Variants in GRM5 observed in about 807,000 individuals in gnomAD.
GRM5 encodes the protein glutamate metabotropic receptor 5.
A neutral mutation model predicts 83.1 loss-of-function variants in GRM5; 19 were observed. That is an observed-to-expected ratio of 0.23 (90% confidence interval 0.16 to 0.34). The LOEUF (loss-of-function observed/expected upper bound fraction) is 0.34. Among genes scored for constraint, GRM5 ranks in the 10% least tolerant of loss-of-function variants. The pLI, the probability that GRM5 is intolerant of heterozygous loss-of-function variation, is 1.00. For missense variants in GRM5, 1,160 were observed against 1,588.3 expected, an observed-to-expected ratio of 0.73 and a Z score of 4.58; for synonymous variants, 675 against 633.6, an observed-to-expected ratio of 1.07 and a Z score of -0.98.
chr11:88,655,672 T>C (rs1288680149), intron 3 of GRM5, among the ~76,000 whole-genome samples: 3 of 95,648 alleles, frequency 3.1e-5, no homozygotes, highest in African/African-American at 1.1e-4. Context: ...ACTTTCTCTG[T>C]TTTTTTTTTT....
intron 2 of GRM5, among the ~76,000 whole-genome samples, chr11:88,941,475 GGGAGGGGAGA>G (rs770257751): frequency 0.33 from 29,676 of 90,162 alleles, 6,152 homozygotes; most frequent in East Asian, 0.42. Flanking sequence ...AAGAGAAGAG[GGGAGGGGAGA>G]GGAGGGGAGA....
Position 88,530,278 on chromosome 11 carries a change from G to A in GRM5, c.2631-4874C>T, listed in dbSNP as rs559262359. On this transcript the variant is annotated intron_variant, in intron 8 of 9. Transcript: ENST00000305447. ...TAAGGCTCTTCAATCTTGTAAACCT[G>A]TAAGTTTTCTTATAAACTATGGATT... Among the ~76,000 whole-genome samples, 6 of 152,080 alleles carry A rather than the reference G, an allele frequency of 3.9e-5. No individual in the cohort carries two copies. The East Asian group carries it at 1.2e-3, about 29-fold the overall frequency.
intron 2 of GRM5, among the ~76,000 whole-genome samples, chr11:88,987,653 C>T (rs1223469635): frequency 6.6e-6 from 1 of 152,030 alleles, no homozygotes; most frequent in Non-Finnish European, 1.5e-5. Context: ...CAGCACGCAG[C>T]TGGAGATCTG....
intron 2 of GRM5, among the ~76,000 whole-genome samples, chr11:89,040,575 C>T (rs1387057716): frequency 6.6e-6 from 1 of 152,116 alleles, no homozygotes; most frequent in Middle Eastern, 3.2e-3. Flanking sequence ...GTCACATGTG[C>T]TTGTAGTCCC....
At chr11:89,054,140 A>G (rs2135161532) in intron 1 of GRM5, among the ~76,000 whole-genome samples, 1 of 152,328 alleles carries the variant, frequency 6.6e-6, no homozygotes, top group South Asian at 2.1e-4. Context: ...AGAGAAAATT[A>G]GGAAACTTGC....
At chr11:88,701,932 A>G (rs908782091) in intron 3 of GRM5, among the ~76,000 whole-genome samples, 4 of 152,110 alleles carry the variant, frequency 2.6e-5, no homozygotes, top group African/African-American at 9.7e-5. Context: ...ATATCTTATT[A>G]TCAAAAAGAG....
chr11:88,622,103 A>G (rs1938654690), intron 4 of GRM5, among the ~76,000 whole-genome samples: 1 of 152,130 alleles, frequency 6.6e-6, no homozygotes, highest in African/African-American at 2.4e-5. Flanking sequence ...ATTTTCAACC[A>G]TGGCAATAAT....
chr11:89,055,644 C>T (rs1282173784), intron 1 of GRM5, among the ~76,000 whole-genome samples: 1 of 151,828 alleles, frequency 6.6e-6, no homozygotes, highest in Non-Finnish European at 1.5e-5. Context: ...TTGGTATCAG[C>T]TCTTATATAA....
intron 3 of GRM5, among the ~76,000 whole-genome samples, chr11:88,755,563 G>C (rs1043291967): frequency 6.6e-6 from 1 of 152,056 alleles, no homozygotes; most frequent in African/African-American, 2.4e-5. Context: ...GCATGATTTT[G>C]TTGCAAACTC....
chr11:88,632,669 A>G (rs1939008506), intron 4 of GRM5, among the ~76,000 whole-genome samples: 1 of 152,226 alleles, frequency 6.6e-6, no homozygotes, highest in Admixed American at 6.5e-5. Flanking sequence ...TACAAATAAC[A>G]TCATTTTGAA....
chr11:89,013,822 A>G (rs1940774661), intron 2 of GRM5, among the ~76,000 whole-genome samples: 3 of 152,250 alleles, frequency 2.0e-5, no homozygotes, highest in Non-Finnish European at 4.4e-5. Context: ...AGCACTTATC[A>G]CAGCCTACCA....
intron 9 of GRM5, among the ~76,000 whole-genome samples, chr11:88,520,710 A>G (rs892860022): frequency 5.3e-5 from 8 of 152,110 alleles, no homozygotes; most frequent in Non-Finnish European, 1.0e-4. Flanking sequence ...TACCTGAAGG[A>G]AGAAATAATT....
chr11:88,553,603 G>C (rs956874796), intron 8 of GRM5, among the ~76,000 whole-genome samples: 9 of 152,160 alleles, frequency 5.9e-5, no homozygotes, highest in Admixed American at 2.6e-4. Context: ...GGAAAATTAA[G>C]ATGGATGGTA....
intron 3 of GRM5, among the ~76,000 whole-genome samples, chr11:88,746,027 G>A (rs953335140): frequency 3.9e-5 from 6 of 152,134 alleles, no homozygotes; most frequent in African/African-American, 1.4e-4. Context: ...TCTTTGTTGA[G>A]TGACTGGCAT....
intron 2 of GRM5, among the ~76,000 whole-genome samples, chr11:88,936,955 GA>G (rs750196341): frequency 2.0e-5 from 3 of 150,252 alleles, no homozygotes; most frequent in Non-Finnish European, 4.4e-5. Flanking sequence ...TGAAGTATAG[GA>G]AGTGGAGGAT....
At chr11:88,868,131 A>G (rs1322841293) in intron 2 of GRM5, among the ~76,000 whole-genome samples, 1 of 151,890 alleles carries the variant, frequency 6.6e-6, no homozygotes, top group Non-Finnish European at 1.5e-5. Flanking sequence ...TATCAGATAT[A>G]GTAGGCCAAT....
intron 3 of GRM5, among the ~76,000 whole-genome samples, chr11:88,772,188 CTTAGT>C (rs1248219259): frequency 2.0e-5 from 3 of 151,738 alleles, no homozygotes; most frequent in African/African-American, 4.8e-5. Context: ...TATTATTGCT[CTTAGT>C]TTAAATTCAG....
chr11:88,842,235 GTGTGTGAGT>G (rs1944216958), intron 3 of GRM5, among the ~76,000 whole-genome samples: 1 of 151,922 alleles, frequency 6.6e-6, no homozygotes, highest in African/African-American at 2.4e-5. Context: ...AACATGGTTT[GTGTGTGAGT>G]TTGTCCAAAT....
intron 3 of GRM5, among the ~76,000 whole-genome samples, chr11:88,792,773 T>C (rs1943200892): frequency 6.6e-6 from 1 of 152,074 alleles, no homozygotes; most frequent in East Asian, 1.9e-4. Context: ...TTGTCTTTTC[T>C]TAAACCAATT....
Sources: allele counts gnomAD v4.1 joint callset (sites outside exome capture counted in the v4.1 genomes callset), GRCh38; gene constraint gnomAD v4.1.1; transcripts MANE v1.5; gene names NCBI Gene and HGNC (gene_info 2026-07-23, HGNC 2026-07-21).